The following KCNMA1 variants were observed in gnomAD, a reference collection of about 807,000 sequenced individuals.
KCNMA1 encodes the protein Calcium-activated potassium channel subunit alpha-1.
In KCNMA1, 29 loss-of-function variants were observed where a neutral mutation model predicts 140.0. The ratio of observed to expected loss-of-function variants is 0.21; its 90% confidence interval spans 0.15 to 0.28. The LOEUF is 0.28. KCNMA1 is among the 10% of genes least tolerant of loss of function. The probability of loss-of-function intolerance (pLI) is 1.00; values close to 1 mark genes in which losing one functional copy is unlikely to be tolerated. For missense variants in KCNMA1, 880 were observed against 1,602.2 expected (o/e 0.55, Z 7.70); for synonymous variants, 612 against 611.9 (o/e 1.00, Z 0.00).
chr10:77,043,442 T>C (rs535217065), intron 14 of KCNMA1, among the ~76,000 whole-genome samples: 16 of 152,206 alleles, frequency 1.1e-4, no homozygotes, highest in Non-Finnish European at 2.1e-4. Context: ...TGGTGGTTCC[T>C]CAAAAAATTA....
In KCNMA1 at chr10:77,462,388, AAC is replaced by A. The variant is rs570719364; in HGVS notation, c.379-58367_379-58366del. Among the ~76,000 whole-genome samples, 29 of 151,422 alleles carry A rather than the reference AAC, an allele frequency of 1.9e-4. 1 individual carries two copies. Among genetic ancestry groups the A allele is most frequent in the Non-Finnish European group, 1.0e-4 (7 of 68,034 alleles). The stretch of plus-strand genomic sequence containing the variant: ...GTGCACACACACACTTAGACGTAAA[AAC>A]ACATATATTTACAAACAAACACAAA... On this transcript the variant is annotated intron_variant, in intron 1 of 27. Coordinates refer to ENST00000286628, the MANE Select transcript of KCNMA1 (RefSeq NM_001161352.2).
chr10:77,258,708 A>G (rs868783484), intron 2 of KCNMA1, among the ~76,000 whole-genome samples: 42 of 152,186 alleles, frequency 2.8e-4, no homozygotes, highest in Non-Finnish European at 1.9e-4. Flanking sequence ...CATGCCTATA[A>G]TCCCAACACT....
In KCNMA1 at chr10:76,970,052, G is replaced by A. The variant is rs771363378; in HGVS notation, c.2282C>T (p.Pro761Leu). The A allele has an allele frequency of 5.6e-6, 9 of 1,613,498 alleles. No individual in the cohort carries two copies. Among genetic ancestry groups the A allele is most frequent in the East Asian group, 2.2e-5 (1 of 44,860 alleles). Reference sequence around the variant, plus strand: ...CTTTTTTTTTGGTGATAGTGTTGACGGCTGCTCATCTTCAACTGGAAATAC... The same window carrying A: ...CTTTTTTTTTGGTGATAGTGTTGACAGCTGCTCATCTTCAACTGGAAATAC... ...TSFRAFEDEQ[P>L]STLSPKKKQR... The change falls in exon 20 of 28, where the codon CCG becomes CTG. Residue 761 changes from proline to leucine, a missense_variant. Pro to Leu is a moderately conservative substitution (Grantham distance 98). This residue lies in a region of KCNMA1 where 196 missense variants were observed against 233.0 expected (regional missense o/e 0.84). Transcript: ENST00000286628.
At chr10:77,605,242 T>A (rs951245474) in intron 1 of KCNMA1, among the ~76,000 whole-genome samples, 1 of 152,156 alleles carries the variant, frequency 6.6e-6, no homozygotes, top group African/African-American at 2.4e-5. Context: ...CCAGGGACTG[T>A]CCCGGATGCC....
At chr10:77,419,714 T>C (rs939887588) in intron 1 of KCNMA1, among the ~76,000 whole-genome samples, 5 of 152,196 alleles carry the variant, frequency 3.3e-5, no homozygotes, top group Admixed American at 6.5e-5. Context: ...AAAAAATAAA[T>C]TGGGCAAACT....
At chr10:76,973,633 T>C (rs1211368360) in intron 19 of KCNMA1, among the ~76,000 whole-genome samples, 2 of 152,180 alleles carry the variant, frequency 1.3e-5, no homozygotes, top group East Asian at 1.9e-4. Context: ...TAATGCAGAG[T>C]TGAACATCTG....
chr10:77,553,225 C>CT (rs923811679), intron 1 of KCNMA1, among the ~76,000 whole-genome samples: 6 of 152,116 alleles, frequency 3.9e-5, no homozygotes, highest in African/African-American at 1.4e-4. Context: ...ACTTTTTCTT[C>CT]TTTTTTTTCC....
intron 1 of KCNMA1, among the ~76,000 whole-genome samples, chr10:77,588,026 G>C (rs2077781410): frequency 6.6e-6 from 1 of 152,008 alleles, no homozygotes; most frequent in Non-Finnish European, 1.5e-5. Context: ...ACCACATTAG[G>C]AGCTTATTAA....
At chr10:77,510,671 G>A (rs886605217) in intron 1 of KCNMA1, among the ~76,000 whole-genome samples, 12 of 151,672 alleles carry the variant, frequency 7.9e-5, no homozygotes, top group East Asian at 7.8e-4. Context: ...GGGGGCACAC[G>A]CCTGTAGTCC....
downstream of KCNMA1, chr10:76,872,714 T>G (rs1372417679): frequency 1.3e-5 from 2 of 152,292 alleles, no homozygotes; most frequent in East Asian, 3.9e-4. Flanking sequence ...TGTCACCCAT[T>G]TACTATTGAA....
At chr10:77,483,273 T>C (rs1457065180) in intron 1 of KCNMA1, among the ~76,000 whole-genome samples, 4 of 152,170 alleles carry the variant, frequency 2.6e-5, no homozygotes, top group African/African-American at 4.8e-5. Flanking sequence ...TCTCCTCTGT[T>C]CTCTTCAACT....
chr10:77,637,353 G>C lies in KCNMA1; in HGVS notation c.290C>G (p.Thr97Ser), dbSNP rs1603639322. The change falls in exon 1 of 28, where the codon ACT becomes AGT. Residue 97 changes from threonine to serine, a missense_variant. This residue lies in a region of KCNMA1 where 31 missense variants were observed against 75.0 expected (regional missense o/e 0.41). Transcript: ENST00000286628. ...WWAFLASSMV[T>S]FFGGLFIILL... ...GATGATGAAGAGGCCCCCGAAGAAA[G>C]TCACCATGGAGGAGGCCAGGAAAGC... 1 of 1,613,988 alleles carries C rather than the reference G, an allele frequency of 6.2e-7. No homozygotes were observed. Among genetic ancestry groups the C allele is most frequent in the Non-Finnish European group, 8.5e-7 (1 of 1,179,954 alleles).
intron 2 of KCNMA1, among the ~76,000 whole-genome samples, chr10:77,333,707 C>A (rs1450511247): frequency 1.3e-5 from 2 of 152,186 alleles, no homozygotes; most frequent in African/African-American, 4.8e-5. Context: ...TCCAGTATAT[C>A]CTGCATTAGA....
chr10:77,137,230 A>G (rs926503069), intron 5 of KCNMA1, among the ~76,000 whole-genome samples: 1 of 152,104 alleles, frequency 6.6e-6, no homozygotes, highest in Non-Finnish European at 1.5e-5. Context: ...ACAACAGCAA[A>G]CACATCCAAG....
intron 2 of KCNMA1, among the ~76,000 whole-genome samples, chr10:77,271,932 C>G (rs1264901126): frequency 1.3e-5 from 2 of 152,202 alleles, no homozygotes; most frequent in African/African-American, 4.8e-5. Flanking sequence ...AAGGTGAGGA[C>G]AGAATGCCAT....
At chr10:77,624,279 T>C (rs1471049345) in intron 1 of KCNMA1, among the ~76,000 whole-genome samples, 2 of 152,224 alleles carry the variant, frequency 1.3e-5, no homozygotes, top group Non-Finnish European at 2.9e-5. Context: ...TAGCACACTA[T>C]TTATAGTCTA....
chr10:77,183,652 A>G, intron 4 of KCNMA1, 120 bp from the exon 5 acceptor site: 1 of 725,228 alleles, frequency 1.4e-6, no homozygotes, highest in Non-Finnish European at 2.4e-6. Context: ...ACGCCCGGCT[A>G]ATTTTTGTAT....
At chr10:77,439,379 T>C (rs941281160) in intron 1 of KCNMA1, among the ~76,000 whole-genome samples, 1 of 152,128 alleles carries the variant, frequency 6.6e-6, no homozygotes, top group Admixed American at 6.5e-5. Flanking sequence ...ATTTCTGAAT[T>C]AGAAATAATT....
At chr10:77,268,415 G>A (rs1193045942) in intron 2 of KCNMA1, among the ~76,000 whole-genome samples, 1 of 152,146 alleles carries the variant, frequency 6.6e-6, no homozygotes, top group African/African-American at 2.4e-5. Context: ...CATGCTGCTA[G>A]TGGTCTGCTG....
Sources: gnomAD v4.1 joint callset for allele counts (sites outside exome capture counted in the v4.1 genomes callset) on GRCh38, gnomAD v4.1.1 for gene constraint, gnomAD v4.1.1 regional missense constraint, MANE v1.5 for transcripts, NCBI Gene and HGNC (gene_info 2026-07-23, HGNC 2026-07-21) for gene names.